The following CCDC3 variants were observed in gnomAD, a reference collection of about 807,000 sequenced individuals.
The protein encoded by CCDC3 is coiled-coil domain containing 3.
CCDC3 carries 24 observed loss-of-function variants against 21.4 expected under a neutral mutation model. The observed-to-expected ratio is 1.12, with a 90% confidence interval of 0.81 to 1.58. The LOEUF (loss-of-function observed/expected upper bound fraction) is 1.58, where lower values mean the gene tolerates loss of function less well. Ranked by LOEUF, CCDC3 falls within the 40% of genes most tolerant of loss-of-function variation. The probability of loss-of-function intolerance (pLI) is 0.00; values close to 1 mark genes in which losing one functional copy is unlikely to be tolerated. For missense variants in CCDC3, 425 were observed against 360.9 expected (o/e 1.18, Z -1.44); for synonymous variants, 186 against 166.0 (o/e 1.12, Z -0.93).
chr10:13,053,667 C>A (rs1295598505), intron 4 of CCDC3, among the ~76,000 whole-genome samples: 1 of 152,188 alleles, frequency 6.6e-6, no homozygotes. Context: ...TGTTGATGAA[C>A]CTTGGAGGGC....
intron 5 of CCDC3, among the ~76,000 whole-genome samples, chr10:13,029,290 A>C: frequency 6.6e-6 from 1 of 152,188 alleles, no homozygotes; most frequent in East Asian, 1.9e-4. Flanking sequence ...TAGAAGGAAA[A>C]CTAACAAATA....
chr10:13,024,576 G>A (rs1232732702), intron 5 of CCDC3, among the ~76,000 whole-genome samples: 1 of 151,988 alleles, frequency 6.6e-6, no homozygotes, highest in African/African-American at 2.4e-5. Context: ...ATTCTTTCTT[G>A]GAAAGACTAG....
intron 2 of CCDC3, among the ~76,000 whole-genome samples, chr10:12,908,109 A>G (rs1379315422): frequency 6.6e-6 from 1 of 152,206 alleles, no homozygotes; most frequent in Non-Finnish European, 1.5e-5. Flanking sequence ...TTTATTAGCT[A>G]AGTTCTACTA....
Position 12,944,017 on chromosome 10 carries a change from T to C in CCDC3, c.550-45338A>G, listed in dbSNP as rs78848624. 9.4e-3 allele frequency among the ~76,000 whole-genome samples: 1,437 copies of C among 152,222 alleles called. 24 individuals carry two copies. Among genetic ancestry groups the C allele is most frequent in the African/African-American group, 0.033 (1,370 of 41,532 alleles). ...AGAGTTGACATACAACCGACCAGTG[T>C]TAACATTAAAACAGGGATCTTAAGA... On this transcript the variant is annotated intron_variant, in intron 2 of 2. Transcript: ENST00000378825.
chr10:12,933,551 G>T (rs1047712808), intron 2 of CCDC3, among the ~76,000 whole-genome samples: 13 of 150,694 alleles, frequency 8.6e-5, no homozygotes, highest in African/African-American at 3.2e-4. Context: ...TCTGCCTTCT[G>T]GGTTCAAGAG....
At chr10:12,962,191 T>C (rs1056067376) in intron 2 of CCDC3, among the ~76,000 whole-genome samples, 9 of 152,204 alleles carry the variant, frequency 5.9e-5, no homozygotes, top group South Asian at 2.1e-4. Context: ...TCCTGTCACA[T>C]AGACACCCTC....
chr10:12,986,701 A>G (rs938658317), intron 2 of CCDC3, among the ~76,000 whole-genome samples: 1 of 151,152 alleles, frequency 6.6e-6, no homozygotes, highest in African/African-American at 2.4e-5. Flanking sequence ...GTGACGCGGG[A>G]GGCGGAGCTT....
chr10:12,917,538 T>C (rs953494327), intron 2 of CCDC3, among the ~76,000 whole-genome samples: 4 of 152,166 alleles, frequency 2.6e-5, no homozygotes, highest in Non-Finnish European at 4.4e-5. Flanking sequence ...TACTGTGATC[T>C]CTCACCTGGT....
chr10:13,037,738 G>T (rs954407460), intron 5 of CCDC3, among the ~76,000 whole-genome samples: 1 of 152,184 alleles, frequency 6.6e-6, no homozygotes, highest in Non-Finnish European at 1.5e-5. Flanking sequence ...AAGGTGGGAG[G>T]ATTACCTGAG....
chr10:12,911,025 A>G (rs1212629883), intron 2 of CCDC3, among the ~76,000 whole-genome samples: 2 of 152,228 alleles, frequency 1.3e-5, no homozygotes, highest in Non-Finnish European at 2.9e-5. Flanking sequence ...GTTCCATTCT[A>G]TAAACGACCA....
chr10:13,007,740 T>C (rs1203302548), intron 5 of CCDC3, among the ~76,000 whole-genome samples: 1 of 152,208 alleles, frequency 6.6e-6, no homozygotes, highest in African/African-American at 2.4e-5. Flanking sequence ...AAAATCCTAA[T>C]ACAAAATAGT....
At chr10:13,027,555 C>T (rs1037520099) in intron 5 of CCDC3, among the ~76,000 whole-genome samples, 1 of 151,896 alleles carries the variant, frequency 6.6e-6, no homozygotes, top group African/African-American at 2.4e-5. Context: ...TATGTATCAA[C>T]CATCCACGCC....
chr10:12,934,381 G>C (rs1834701758), intron 2 of CCDC3, among the ~76,000 whole-genome samples: 1 of 152,012 alleles, frequency 6.6e-6, no homozygotes, highest in Non-Finnish European at 1.5e-5. Flanking sequence ...GATCTATCTT[G>C]GTAAATGTTA....
chr10:13,074,069 T>C (rs1588415656), exon 4 of CCDC3: 1 of 150,918 alleles, frequency 6.6e-6, no homozygotes, highest in African/African-American at 2.4e-5. Flanking sequence ...TCCATTTATA[T>C]GATAATCACT....
At chr10:13,023,869 C>G (rs1012535053) in intron 5 of CCDC3, among the ~76,000 whole-genome samples, 1 of 152,186 alleles carries the variant, frequency 6.6e-6, no homozygotes, top group African/African-American at 2.4e-5. Context: ...TGTTTTCTGG[C>G]CTACACACAC....
intron 2 of CCDC3, among the ~76,000 whole-genome samples, chr10:12,915,048 T>C (rs1258310467): frequency 6.6e-6 from 1 of 152,212 alleles, no homozygotes; most frequent in Admixed American, 6.5e-5. Context: ...TTTTCATTTG[T>C]CTCATGACAC....
At chr10:13,080,127 T>A (rs1336537217) in intron 3 of CCDC3, among the ~76,000 whole-genome samples, 1 of 152,024 alleles carries the variant, frequency 6.6e-6, no homozygotes, top group East Asian at 1.9e-4. Context: ...GGGCCCAGAC[T>A]GCAGCCGCAT....
intron 2 of CCDC3, among the ~76,000 whole-genome samples, chr10:12,959,877 G>C (rs988132036): frequency 1.3e-5 from 2 of 152,204 alleles, no homozygotes; most frequent in Admixed American, 1.3e-4. Flanking sequence ...TTCCTGGCCA[G>C]ACACAGTGGC....
At chr10:13,097,813 A>C (rs1832647172) in intron 3 of CCDC3, among the ~76,000 whole-genome samples, 1 of 152,268 alleles carries the variant, frequency 6.6e-6, no homozygotes, top group East Asian at 1.9e-4. Flanking sequence ...AATGGGATTT[A>C]TATCACATAA....
Sources: gnomAD v4.1 joint callset for allele counts (sites outside exome capture counted in the v4.1 genomes callset) on GRCh38, gnomAD v4.1.1 for gene constraint, MANE v1.5 for transcripts, NCBI Gene and HGNC (gene_info 2026-07-23, HGNC 2026-07-21) for gene names.